ADCY10: variants seen among roughly 807,000 people sequenced by gnomAD.
The protein encoded by ADCY10 is adenylate cyclase 10, also known as adenylate cyclase type 10.
In ADCY10, 156 loss-of-function variants were observed where a neutral mutation model predicts 183.3. That is an observed-to-expected ratio of 0.85 (90% CI 0.75 to 0.97). The LOEUF (loss-of-function observed/expected upper bound fraction) is 0.97. Ranked by LOEUF, ADCY10 falls within the 50% of genes least tolerant of loss-of-function variation. The pLI is 0.00. For synonymous variants in ADCY10, 645 were observed against 670.0 expected, an observed-to-expected ratio of 0.96 and a Z score of 0.58; for missense variants, 1,745 against 1,934.3, an observed-to-expected ratio of 0.90 and a Z score of 1.84.
intron 25 of ADCY10, among the ~76,000 whole-genome samples, chr1:167,831,805 A>G (rs1167218736): frequency 6.6e-6 from 1 of 152,224 alleles, no homozygotes; most frequent in Non-Finnish European, 1.5e-5. Flanking sequence ...AATATTTCAT[A>G]TGATAGATGT....
intron 31 of ADCY10, among the ~76,000 whole-genome samples, chr1:167,813,735 A>G (rs1230815243): frequency 2.0e-5 from 3 of 152,202 alleles, no homozygotes; most frequent in Non-Finnish European, 4.4e-5. Flanking sequence ...AGCTAGTAGT[A>G]TTGTAACTTT....
At chr1:167,900,885 A>G (rs962645538) in intron 5 of ADCY10, among the ~76,000 whole-genome samples, 1 of 152,234 alleles carries the variant, frequency 6.6e-6, no homozygotes, top group Non-Finnish European at 1.5e-5. Context: ...AAGAAGGCTG[A>G]GAAACAGTTA....
intron 12 of ADCY10, among the ~76,000 whole-genome samples, chr1:167,876,691 G>A (rs1667492154): frequency 6.6e-6 from 1 of 152,178 alleles, no homozygotes; most frequent in Admixed American, 6.5e-5. Context: ...AGATAGTCCT[G>A]GGTTTGCATA....
At chr1:167,886,575 G>T (rs1668238708) in intron 8 of ADCY10, among the ~76,000 whole-genome samples, 2 of 152,126 alleles carry the variant, frequency 1.3e-5, no homozygotes, top group Non-Finnish European at 2.9e-5. Context: ...TTAAATGTTA[G>T]ACCTAAAACC....
intron 6 of ADCY10, among the ~76,000 whole-genome samples, chr1:167,898,885 G>A (rs1669197859): frequency 6.6e-6 from 1 of 151,922 alleles, no homozygotes; most frequent in South Asian, 2.1e-4. Flanking sequence ...TTTTTTAATT[G>A]TCCATATCCC....
At chr1:167,900,189 A>T (rs74999303) in intron 5 of ADCY10, among the ~76,000 whole-genome samples, 1,704 of 152,372 alleles carry the variant, frequency 0.011, 32 homozygotes, top group African/African-American at 0.031. Flanking sequence ...CACAAAATAT[A>T]TGTATAAATG....
chr1:167,887,722 TA>T (rs944176230), intron 8 of ADCY10, among the ~76,000 whole-genome samples: 2 of 150,378 alleles, frequency 1.3e-5, no homozygotes, highest in Non-Finnish European at 3.0e-5. Flanking sequence ...AATATAAAAA[TA>T]AAAGATTAAA....
Position 167,811,868 on chromosome 1 carries a change from A to C in ADCY10, c.4483-955T>G, listed in dbSNP as rs146796711. Among the ~76,000 whole-genome samples the C allele has an allele frequency of 3.5e-3, 534 of 152,312 alleles. 16 individuals carry two copies. Among genetic ancestry groups the C allele is most frequent in the Admixed American group, 0.033 (499 of 15,298 alleles). ...GACGGCAGAGTAGGAAGTACCAACT[A>C]TCTGTAGCCCCACCTAGACTATCAT... On this transcript the variant is annotated intron_variant, in intron 31 of 32. Coordinates refer to ENST00000367851, the MANE Select transcript of ADCY10 (RefSeq NM_018417.6).
rs1668774009 is a variant in ADCY10, at chr1:167,893,898, C to G, written c.783G>C (p.Leu261=). 6.2e-7 allele frequency: 1 copy of G among 1,613,490 alleles called. No individual in the cohort carries two copies. Among genetic ancestry groups the G allele is most frequent in the Non-Finnish European group, 8.5e-7 (1 of 1,179,762 alleles). The change falls in exon 8 of 33, where the codon CTG becomes CTC. Residue 261 remains leucine (L), a synonymous_variant. Coordinates refer to ENST00000367851, the MANE Select transcript of ADCY10 (RefSeq NM_018417.6). Reference sequence around the variant, plus strand: ...TCACATACTTTTGTAGGGACATCTCCAGTTCAGGATCAGGCTTCAGCGTGC... The same window carrying G: ...TCACATACTTTTGTAGGGACATCTCGAGTTCAGGATCAGGCTTCAGCGTGC... The part of the protein sequence containing the change: ...LACTLKPDPE[L]EMSLQKYVME...
Position 167,834,346 on chromosome 1 carries a change from T to C in ADCY10, c.3310-269A>G, listed in dbSNP as rs959512650. 9.3e-6 allele frequency: 5 copies of C among 538,412 alleles called. No homozygotes were observed. The African/African-American group carries it at 9.5e-5, about 10-fold the overall frequency. 33.4% of individuals were successfully genotyped at this position (538,412 alleles called of 1,614,324 possible). On this transcript the variant is annotated intron_variant, in intron 23 of 32. Coordinates refer to ENST00000367851, the MANE Select transcript of ADCY10 (RefSeq NM_018417.6). ...TGGAAATCTCCACCTTTCTTCACAC[T>C]ATCATCTAGGTTGCCTTACCCGAAG... is the stretch of plus-strand genomic sequence containing the variant.
Position 167,893,886 on chromosome 1 carries a change from T to C in ADCY10, c.795A>G (p.Leu265=), listed in dbSNP as rs1668772784. Residue 265 remains leucine, a synonymous_variant, in exon 8 of 33, where the codon CTA becomes CTG. Coordinates refer to ENST00000367851, the MANE Select transcript of ADCY10 (RefSeq NM_018417.6). Reference sequence around the variant, plus strand: ...AAATGCTTTCCATCACATACTTTTGTAGGGACATCTCCAGTTCAGGATCAG... The same window carrying C: ...AAATGCTTTCCATCACATACTTTTGCAGGGACATCTCCAGTTCAGGATCAG... ...LKPDPELEMS[L]QKYVMESILK... The C allele has an allele frequency of 1.9e-6, 3 of 1,613,568 alleles. No individual in the cohort carries two copies. The highest frequency in any genetic ancestry group is 2.5e-6 in the Non-Finnish European group (3 of 1,179,768).
chr1:167,911,352 C>A (rs923160015), intron 1 of ADCY10, among the ~76,000 whole-genome samples: 2 of 152,210 alleles, frequency 1.3e-5, no homozygotes, highest in Admixed American at 6.5e-5. Context: ...ATAAAGAAAT[C>A]AATGTACTTT....
intron 21 of ADCY10, among the ~76,000 whole-genome samples, 178 bp from the exon 22 acceptor site, chr1:167,837,496 A>C (rs1004174494): frequency 1.2e-4 from 18 of 152,184 alleles, no homozygotes; most frequent in African/African-American, 4.3e-4. Context: ...CTCACAATAG[A>C]ATTAGATCAG....
chr1:167,907,199 A>G (rs1188429236), intron 1 of ADCY10, among the ~76,000 whole-genome samples: 1 of 152,236 alleles, frequency 6.6e-6, no homozygotes, highest in Non-Finnish European at 1.5e-5. Context: ...AATACCATAG[A>G]TGGGCACATT....
Position 167,846,153 on chromosome 1 carries a change from G to C in ADCY10, c.2548C>G (p.Pro850Ala). 6.2e-7 allele frequency: 1 copy of C among 1,614,094 alleles called. No homozygotes were observed. Among genetic ancestry groups the C allele is most frequent in the Non-Finnish European group, 8.5e-7 (1 of 1,180,030 alleles). ...ATCATCATCTTCATATTCCAACAGGGGAGAATCTCAAACAACAACTCAGTG... is the reference window on the plus strand; with the variant it reads ...ATCATCATCTTCATATTCCAACAGGCGAGAATCTCAAACAACAACTCAGTG... ...FTTELLFEILPCWNMKMMIKT... is the reference protein window; with the variant it reads ...FTTELLFEILACWNMKMMIKT... The change falls in exon 20 of 33, where the codon CCC (proline) becomes GCC (alanine). Residue 850 changes from proline to alanine, a missense_variant. Coordinates refer to ENST00000367851, the MANE Select transcript of ADCY10 (RefSeq NM_018417.6).
chr1:167,819,998 C>T (rs566002291), intron 30 of ADCY10: 10 of 1,533,326 alleles, frequency 6.5e-6, no homozygotes, highest in Non-Finnish European at 9.0e-6. Flanking sequence ...GTGGATGACT[C>T]TCCTTGGGAC....
chr1:167,886,816 A>G (rs559003527), intron 8 of ADCY10, among the ~76,000 whole-genome samples: 28 of 152,378 alleles, frequency 1.8e-4, no homozygotes, highest in African/African-American at 6.7e-4. Flanking sequence ...GCTAATATCC[A>G]GAATCTACAA....
chr1:167,901,921 T>A, intron 4 of ADCY10, 95 bp downstream of exon 4: 16 of 1,604,446 alleles, frequency 1.0e-5, no homozygotes, highest in Non-Finnish European at 1.4e-5. Context: ...TCCTGGCCAC[T>A]CCCTTCTCTA....
Position 167,845,791 on chromosome 1 carries a change from G to T in ADCY10, c.2779C>A (p.Arg927=), listed in dbSNP as rs747681588. 1 of 1,614,112 alleles carries T rather than the reference G, an allele frequency of 6.2e-7. No homozygotes were observed. Among genetic ancestry groups the T allele is most frequent in the East Asian group, 2.2e-5 (1 of 44,880 alleles). Residue 927 remains arginine, a synonymous_variant, in exon 21 of 33, where the codon CGA becomes AGA. Coordinates refer to ENST00000367851, the MANE Select transcript of ADCY10 (RefSeq NM_018417.6). The stretch of plus-strand genomic sequence containing the variant: ...TTCTGCATCATAGGGTTACAGAATC[G>T]AATCCTGTGGCACTCGATCACCTCA... The part of the protein sequence containing the change: ...ENEVIECHRI[R]FCNPMMQKTA...
Sources: gnomAD v4.1 joint callset for allele counts (sites outside exome capture counted in the v4.1 genomes callset) on GRCh38, gnomAD v4.1.1 for gene constraint, MANE v1.5 for transcripts, NCBI Gene and HGNC (gene_info 2026-07-23, HGNC 2026-07-21) for gene names.